The following ITGA9 variants were observed in gnomAD, a reference collection of about 807,000 sequenced individuals.
ITGA9 encodes integrin subunit alpha 9, also known as integrin alpha-9.
ITGA9 carries 56 observed loss-of-function variants against 127.8 expected under a neutral mutation model. That is an observed-to-expected ratio of 0.44 (90% CI 0.35 to 0.55). The LOEUF (loss-of-function observed/expected upper bound fraction) is 0.55. Among genes scored for constraint, ITGA9 ranks in the 20% least tolerant of loss-of-function variants. The pLI is 0.00. For missense variants in ITGA9, 1,196 were observed against 1,347.1 expected (o/e 0.89, Z 1.76); for synonymous variants, 508 against 514.5 (o/e 0.99, Z 0.17).
chr3:37,630,147 T>C (rs1022472617), intron 16 of ITGA9, among the ~76,000 whole-genome samples: 1 of 152,130 alleles, frequency 6.6e-6, no homozygotes, highest in Admixed American at 6.5e-5. Context: ...ACTGTAAGTG[T>C]AGGGGAAAAC....
At chr3:37,505,922 A>G (rs1698836251) in intron 6 of ITGA9, 78 bp from the exon 7 acceptor site, 1 of 1,094,734 alleles carries the variant, frequency 9.1e-7, no homozygotes, top group Non-Finnish European at 1.4e-6. Flanking sequence ...CTTGAGAAAC[A>G]TTTTCCTCTG....
chr3:37,763,216 A>G (rs1696742522), intron 23 of ITGA9, among the ~76,000 whole-genome samples: 1 of 152,320 alleles, frequency 6.6e-6, no homozygotes, highest in Admixed American at 6.5e-5. Flanking sequence ...CTGGAGAAAA[A>G]TTTAAAAAGC....
At chr3:37,719,984 C>A (rs895310382) in intron 18 of ITGA9, among the ~76,000 whole-genome samples, 1 of 152,096 alleles carries the variant, frequency 6.6e-6, no homozygotes, top group Non-Finnish European at 1.5e-5. Flanking sequence ...AGGTGGTCTT[C>A]GTGGGGTGAA....
intron 27 of ITGA9, chr3:37,807,574 A>G (rs1697313824): frequency 6.6e-6 from 1 of 152,450 alleles, no homozygotes; most frequent in Admixed American, 6.5e-5. Flanking sequence ...TGGCATGACC[A>G]GATCTGTGTC....
chr3:37,459,683 TG>T (rs1291418839), intron 1 of ITGA9, among the ~76,000 whole-genome samples: 2 of 152,282 alleles, frequency 1.3e-5, no homozygotes, highest in Middle Eastern at 3.4e-3. Flanking sequence ...CCAAGTTACA[TG>T]GCTAATGAGT....
intron 2 of ITGA9, among the ~76,000 whole-genome samples, chr3:37,472,105 T>C (rs1698437373): frequency 6.6e-6 from 1 of 152,070 alleles, no homozygotes; most frequent in African/African-American, 2.4e-5. Context: ...TAGCAGAAAA[T>C]ATAAGATCTT....
chr3:37,812,973 A>G (rs949764778), intron 27 of ITGA9, among the ~76,000 whole-genome samples: 1 of 152,240 alleles, frequency 6.6e-6, no homozygotes, highest in African/African-American at 2.4e-5. Flanking sequence ...TGTTTCTCAA[A>G]GCTCTCCCCA....
intron 17 of ITGA9, among the ~76,000 whole-genome samples, chr3:37,666,862 C>T (rs1183491475): frequency 2.0e-5 from 3 of 152,152 alleles, no homozygotes; most frequent in Non-Finnish European, 4.4e-5. Flanking sequence ...TGCAGGGAAA[C>T]GTACCTCTTG....
intron 24 of ITGA9, among the ~76,000 whole-genome samples, chr3:37,778,373 C>A (rs1376004855): frequency 6.6e-6 from 1 of 152,116 alleles, no homozygotes; most frequent in Non-Finnish European, 1.5e-5. Flanking sequence ...AATACCAGCA[C>A]TTAGGGAGGC....
At chr3:37,618,130 A>G (rs1700092830) in intron 15 of ITGA9, among the ~76,000 whole-genome samples, 1 of 152,054 alleles carries the variant, frequency 6.6e-6, no homozygotes, top group Non-Finnish European at 1.5e-5. Context: ...TGATGTACAG[A>G]TGGGGTTTTG....
At chr3:37,701,025 C>G (rs138062783) in intron 18 of ITGA9, among the ~76,000 whole-genome samples, 1 of 152,202 alleles carries the variant, frequency 6.6e-6, no homozygotes, top group Non-Finnish European at 1.5e-5. Flanking sequence ...GGTGCTGGAA[C>G]TCATCACTGA....
chr3:37,726,224 C>A (rs1476682788), intron 18 of ITGA9, among the ~76,000 whole-genome samples: 1 of 152,180 alleles, frequency 6.6e-6, no homozygotes, highest in Non-Finnish European at 1.5e-5. Context: ...TTTTACCAGC[C>A]CACAAGGGTC....
chr3:37,490,025 C>G (rs2019749), intron 4 of ITGA9, among the ~76,000 whole-genome samples: 1 of 142,190 alleles, frequency 7.0e-6, no homozygotes. Flanking sequence ...CTAATTCCAA[C>G]TGGCTGTTTT....
rs138480337 is a variant in ITGA9 at position 37,584,447 on chromosome 3, G to A, written c.1689+41862G>A. ...ACCTTAGAGTCAATGACAAAGGGTA[G>A]GAGTACCAGGTGGTGGGTAGGGGGC... is the stretch of plus-strand genomic sequence containing the variant. On this transcript the variant is annotated intron_variant, in intron 15 of 27. Transcript: ENST00000264741. Among the ~76,000 whole-genome samples, 13 of 152,234 alleles carry A rather than the reference G, an allele frequency of 8.5e-5. No homozygotes were observed. The East Asian group carries it at 2.1e-3, about 25-fold the overall frequency.
chr3:37,797,230 G>A (rs147533808), intron 26 of ITGA9, among the ~76,000 whole-genome samples: 3 of 152,166 alleles, frequency 2.0e-5, no homozygotes, highest in African/African-American at 7.2e-5. Flanking sequence ...TACTTGGGAG[G>A]CTGAGGTGGG....
intron 17 of ITGA9, among the ~76,000 whole-genome samples, chr3:37,668,888 A>G (rs1161208853): frequency 6.6e-6 from 1 of 152,204 alleles, no homozygotes; most frequent in African/African-American, 2.4e-5. Context: ...TGGGTTTAAC[A>G]TGACCTGCCC....
intron 6 of ITGA9, 24 bp downstream of exon 6, chr3:37,503,331 G>A (rs746012970): frequency 1.5e-5 from 24 of 1,612,924 alleles, no homozygotes; most frequent in Non-Finnish European, 2.0e-5. Context: ...GAGAGAACAG[G>A]TAAGAAAGGG....
chr3:37,578,069 AAAGTT>A (rs1471275713), intron 15 of ITGA9, among the ~76,000 whole-genome samples: 1 of 152,190 alleles, frequency 6.6e-6, no homozygotes, highest in Non-Finnish European at 1.5e-5. Flanking sequence ...GATACTTAAT[AAAGTT>A]TGATATTTTT....
Position 37,629,094 on chromosome 3 carries a change from C to A in ITGA9, c.1690-93C>A. On this transcript the variant is annotated intron_variant, in intron 15 of 27. Coordinates refer to ENST00000264741, the MANE Select transcript of ITGA9 (RefSeq NM_002207.3). The surrounding 1 kb of genome is among the most constrained non-coding windows in gnomAD (Gnocchi z 4.5). Reference sequence around the variant, plus strand: ...GGGTGATTGTGAGGATTATATGAGGCAATTCATGTAGAAGGTCTTTGTAAA... The same window carrying A: ...GGGTGATTGTGAGGATTATATGAGGAAATTCATGTAGAAGGTCTTTGTAAA... 1 of 1,409,384 alleles carries A rather than the reference C, an allele frequency of 7.1e-7. No homozygotes were observed. The highest frequency in any genetic ancestry group is 1.0e-6 in the Non-Finnish European group (1 of 996,640). The allele number at this position is 1,409,384 out of a possible 1,614,324, so 87.3% of individuals were successfully genotyped here.
Sources: gnomAD v4.1 joint callset for allele counts (sites outside exome capture counted in the v4.1 genomes callset) on GRCh38, gnomAD v4.1.1 for gene constraint, Gnocchi (gnomAD v3.1) non-coding constraint, MANE v1.5 for transcripts, NCBI Gene and HGNC (gene_info 2026-07-23, HGNC 2026-07-21) for gene names.